The following CNTN5 variants were observed in gnomAD, a reference collection of about 807,000 sequenced individuals.
CNTN5 encodes contactin 5.
CNTN5 carries 77 observed loss-of-function variants against 129.1 expected under a neutral mutation model. The ratio of observed to expected loss-of-function variants is 0.60; its 90% CI spans 0.50 to 0.72. The LOEUF (loss-of-function observed/expected upper bound fraction) is 0.72, where lower values mean the gene tolerates loss of function less well. Among genes scored for constraint, CNTN5 ranks in the 30% least tolerant of loss-of-function variants. The pLI, the probability that CNTN5 is intolerant of heterozygous loss-of-function variation, is 0.00. For synonymous variants in CNTN5, 509 were observed against 465.6 expected, an observed-to-expected ratio of 1.09 and a Z score of -1.20; for missense variants, 1,478 against 1,328.8, an observed-to-expected ratio of 1.11 and a Z score of -1.75.
intron 16 of CNTN5, among the ~76,000 whole-genome samples, chr11:100,226,843 C>T (rs909523481): frequency 4.0e-5 from 6 of 151,882 alleles, no homozygotes; most frequent in African/African-American, 7.3e-5. Context: ...TGTTGGCTTG[C>T]GAAATAAAAT....
At chr11:99,290,001 C>CT (rs961169040) in intron 1 of CNTN5, among the ~76,000 whole-genome samples, 39 of 151,772 alleles carry the variant, frequency 2.6e-4, no homozygotes, top group Non-Finnish European at 5.3e-4. Flanking sequence ...GATAATATTC[C>CT]TTTTTTTAAA....
intron 3 of CNTN5, among the ~76,000 whole-genome samples, chr11:99,658,589 G>A (rs1006082814): frequency 4.6e-5 from 7 of 151,736 alleles, no homozygotes; most frequent in Non-Finnish European, 7.4e-5. Context: ...TGTAACCAGT[G>A]GGCCTAGCGC....
chr11:99,528,598 T>C (rs2135460812), intron 2 of CNTN5, among the ~76,000 whole-genome samples: 1 of 152,348 alleles, frequency 6.6e-6, no homozygotes, highest in African/African-American at 2.4e-5. Context: ...CACGTACAAA[T>C]GGGACATTTC....
intron 13 of CNTN5, among the ~76,000 whole-genome samples, chr11:100,088,580 A>C (rs999079762): frequency 6.6e-6 from 1 of 152,144 alleles, no homozygotes; most frequent in Non-Finnish European, 1.5e-5. Context: ...ACAGAAATAC[A>C]TAAGATCCTC....
Position 99,379,186 on chromosome 11 carries a change from T to TA in CNTN5, c.-71+53702_-71+53703insA, listed in dbSNP as rs1379308256. Among the ~76,000 whole-genome samples the TA allele has an allele frequency of 1.6e-4, 24 of 150,522 alleles. 1 individual carries two copies. In the East Asian group the frequency reaches 3.7e-3, roughly 23 times the overall value. ...AGAGGAGATAATTTTGTTTCTTTTTTTTTTTTTACTGTTGTATCACCAGTA... is the reference window on the plus strand; with the variant it reads ...AGAGGAGATAATTTTGTTTCTTTTTTATTTTTTTACTGTTGTATCACCAGTA... On this transcript the variant is annotated intron_variant, in intron 2 of 24. Coordinates refer to ENST00000524871, the MANE Select transcript of CNTN5 (RefSeq NM_014361.4).
chr11:99,884,812 A>G (rs1175448378), intron 6 of CNTN5, among the ~76,000 whole-genome samples: 1 of 152,164 alleles, frequency 6.6e-6, no homozygotes, highest in Admixed American at 6.5e-5. Flanking sequence ...CCCCATCTCT[A>G]CTAAAACTAC....
At chr11:99,284,927 T>C (rs1863866181) in intron 1 of CNTN5, among the ~76,000 whole-genome samples, 2 of 152,130 alleles carry the variant, frequency 1.3e-5, no homozygotes, top group Admixed American at 6.6e-5. Context: ...TGCTTTTGGT[T>C]AATTGTTTTT....
At chr11:100,097,978 T>A (rs551132990) in intron 13 of CNTN5, among the ~76,000 whole-genome samples, 1 of 152,034 alleles carries the variant, frequency 6.6e-6, no homozygotes, top group South Asian at 2.1e-4. Context: ...AGTTTTTTTT[T>A]AAGAAAAAAT....
chr11:99,925,433 G>T (rs1281805955), intron 7 of CNTN5, among the ~76,000 whole-genome samples: 1 of 152,184 alleles, frequency 6.6e-6, no homozygotes, highest in East Asian at 1.9e-4. Flanking sequence ...GCATTTGGTT[G>T]TCCTTTTAAC....
rs182159515 is a variant in CNTN5 at position 99,337,633 on chromosome 11, G to T, written c.-71+12149G>T. On this transcript the variant is annotated intron_variant, in intron 2 of 24. Transcript: ENST00000524871. ...CACAACCTTCCAGCTTGGGTGTTAT[G>T]GCGATTATGGACATGTTACATTGCT... 2.4e-4 allele frequency among the ~76,000 whole-genome samples: 36 copies of T among 152,250 alleles called. No homozygotes were observed. In the East Asian group the frequency reaches 7.0e-3, roughly 29 times the overall value.
At chr11:99,656,982 TG>T (rs1404886056) in intron 3 of CNTN5, among the ~76,000 whole-genome samples, 1 of 151,194 alleles carries the variant, frequency 6.6e-6, no homozygotes, top group Non-Finnish European at 1.5e-5. Context: ...GTTAAGTTTG[TG>T]GACCAAAAAG....
chr11:100,032,871 T>C (rs978333877), intron 9 of CNTN5, among the ~76,000 whole-genome samples: 2 of 152,122 alleles, frequency 1.3e-5, no homozygotes, highest in African/African-American at 4.8e-5. Flanking sequence ...GAATGAAGAT[T>C]TTGGTAGATT....
At chr11:99,477,763 A>T (rs1378420012) in intron 2 of CNTN5, among the ~76,000 whole-genome samples, 1 of 151,788 alleles carries the variant, frequency 6.6e-6, no homozygotes, top group Non-Finnish European at 1.5e-5. Flanking sequence ...CAACCTGGCC[A>T]ATATAGTGAG....
chr11:100,329,232 G>A (rs1951852879), intron 21 of CNTN5, among the ~76,000 whole-genome samples: 1 of 152,086 alleles, frequency 6.6e-6, no homozygotes, highest in African/African-American at 2.4e-5. Flanking sequence ...TAACTCCACT[G>A]GACTGGGAAC....
intron 24 of CNTN5, among the ~76,000 whole-genome samples, chr11:100,351,649 A>C (rs1862242140): frequency 7.2e-6 from 1 of 139,156 alleles, no homozygotes; most frequent in Non-Finnish European, 1.5e-5. Flanking sequence ...ACCATTTCGT[A>C]GAGATAGTAA....
chr11:99,428,524 C>T (rs1231349779), intron 2 of CNTN5, among the ~76,000 whole-genome samples: 2 of 149,046 alleles, frequency 1.3e-5, no homozygotes, highest in Non-Finnish European at 3.0e-5. Context: ...TGTGTCACTC[C>T]CCTCCAGCCT....
intron 19 of CNTN5, 70 bp from the exon 20 acceptor site, chr11:100,299,092 T>C (rs563849317): frequency 2.9e-6 from 3 of 1,045,792 alleles, no homozygotes; most frequent in Non-Finnish European, 4.1e-6. Context: ...TTTTTTTAAT[T>C]AAGAATTTGG....
intron 13 of CNTN5, among the ~76,000 whole-genome samples, chr11:100,085,096 G>A (rs1051439530): frequency 6.6e-6 from 1 of 151,982 alleles, no homozygotes; most frequent in Admixed American, 6.6e-5. Context: ...AAATAATTTT[G>A]GGGAGAGAAT....
At chr11:100,144,270 T>C (rs909794371) in intron 13 of CNTN5, among the ~76,000 whole-genome samples, 1 of 152,182 alleles carries the variant, frequency 6.6e-6, no homozygotes, top group African/African-American at 2.4e-5. Context: ...ATTTGTTATG[T>C]AGATTTATTG....
Sources: allele counts gnomAD v4.1 joint callset (sites outside exome capture counted in the v4.1 genomes callset), GRCh38; gene constraint gnomAD v4.1.1; transcripts MANE v1.5; gene names NCBI Gene and HGNC (gene_info 2026-07-23, HGNC 2026-07-21).